Variants in CADPS2 observed in about 807,000 individuals in gnomAD.
The protein encoded by CADPS2 is calcium dependent secretion activator 2.
CADPS2 carries 93 observed loss-of-function variants against 172.5 expected under a neutral mutation model. The ratio of observed to expected loss-of-function variants is 0.54; its 90% CI spans 0.46 to 0.64. The LOEUF (loss-of-function observed/expected upper bound fraction) is 0.64, where lower values mean the gene tolerates loss of function less well. Among genes scored for constraint, CADPS2 ranks in the 30% least tolerant of loss-of-function variants. CADPS2 has a pLI of 0.00. For synonymous variants in CADPS2, 546 were observed against 555.2 expected, an observed-to-expected ratio of 0.98 and a Z score of 0.23; for missense variants, 1,420 against 1,565.9, an observed-to-expected ratio of 0.91 and a Z score of 1.57.
intron 2 of CADPS2, among the ~76,000 whole-genome samples, chr7:122,696,921 A>T (rs1318272388): frequency 6.6e-5 from 10 of 152,154 alleles, no homozygotes; most frequent in Admixed American, 2.6e-4. Context: ...GAATATAGTG[A>T]ACAAAAGAAA....
intron 17 of CADPS2, among the ~76,000 whole-genome samples, chr7:122,436,838 T>A (rs577934598): frequency 2.0e-5 from 3 of 152,116 alleles, no homozygotes; most frequent in Non-Finnish European, 4.4e-5. Context: ...TAAAATGGAT[T>A]CTATGGCTAT....
At chr7:122,325,050 G>A (rs780812862) in intron 29 of CADPS2, among the ~76,000 whole-genome samples, 7 of 151,946 alleles carry the variant, frequency 4.6e-5, no homozygotes, top group Non-Finnish European at 8.8e-5. Context: ...TATTACTTTC[G>A]TACCAGCATA....
intron 9 of CADPS2, among the ~76,000 whole-genome samples, chr7:122,510,540 G>A (rs1416559506): frequency 1.3e-5 from 2 of 152,202 alleles, no homozygotes; most frequent in African/African-American, 4.8e-5. Context: ...ATTTTTATGA[G>A]GACAAATTCT....
At chr7:122,711,218 A>T (rs2088658292) in intron 2 of CADPS2, among the ~76,000 whole-genome samples, 2 of 152,154 alleles carry the variant, frequency 1.3e-5, no homozygotes, top group East Asian at 3.8e-4. Flanking sequence ...TCTGTATCTG[A>T]AAAATGGACT....
Position 122,812,284 on chromosome 7 carries a change from T to A in CADPS2, c.339+73715A>T, listed in dbSNP as rs78865330. 2.0e-5 allele frequency among the ~76,000 whole-genome samples: 3 copies of A among 152,112 alleles called. No individual in the cohort carries two copies. In the East Asian group the frequency reaches 5.8e-4, roughly 29 times the overall value. On this transcript the variant is annotated intron_variant, in intron 1 of 29. Coordinates refer to ENST00000449022, the MANE Select transcript of CADPS2 (RefSeq NM_017954.11). ...TAGCACTTATTCTGGTTAGCTATAA[T>A]GTTGTAAAACTTTGAACAATGCTAA...
At chr7:122,835,569 C>T (rs879741354) in intron 1 of CADPS2, among the ~76,000 whole-genome samples, 1 of 152,156 alleles carries the variant, frequency 6.6e-6, no homozygotes, top group African/African-American at 2.4e-5. Context: ...CTAGAATACC[C>T]AGTGTAGAGA....
intron 1 of CADPS2, among the ~76,000 whole-genome samples, chr7:122,877,715 G>A (rs954947348): frequency 6.6e-6 from 1 of 152,218 alleles, no homozygotes; most frequent in African/African-American, 2.4e-5. Flanking sequence ...GATATCGTAT[G>A]CTCCTAGAAG....
At chr7:122,563,135 T>C (rs1375798270) in intron 7 of CADPS2, among the ~76,000 whole-genome samples, 2 of 152,180 alleles carry the variant, frequency 1.3e-5, no homozygotes, top group African/African-American at 4.8e-5. Context: ...TTATAAGGTA[T>C]TGATTTCATC....
chr7:122,737,522 G>A (rs1042022423), intron 1 of CADPS2, among the ~76,000 whole-genome samples: 42 of 152,134 alleles, frequency 2.8e-4, no homozygotes, highest in Admixed American at 2.4e-3. Context: ...CTAATGGTTA[G>A]ACTTTAAAAC....
intron 1 of CADPS2, among the ~76,000 whole-genome samples, chr7:122,865,441 C>G (rs1423959208): frequency 6.6e-6 from 1 of 152,294 alleles, no homozygotes; most frequent in South Asian, 2.1e-4. Flanking sequence ...CTGACTGTTC[C>G]ACAGCCAGCT....
chr7:122,693,757 A>T (rs1015137426), intron 2 of CADPS2, among the ~76,000 whole-genome samples: 1 of 152,182 alleles, frequency 6.6e-6, no homozygotes, highest in African/African-American at 2.4e-5. Flanking sequence ...GGAGTTCAAG[A>T]CCAGCCTGGG....
chr7:122,476,962 A>G (rs2056685154), intron 12 of CADPS2, among the ~76,000 whole-genome samples: 1 of 119,396 alleles, frequency 8.4e-6, no homozygotes, highest in Non-Finnish European at 1.8e-5. Context: ...TCCCTGAATG[A>G]AATGGGGTGG....
intron 3 of CADPS2, among the ~76,000 whole-genome samples, chr7:122,638,528 G>A (rs1289978875): frequency 6.6e-6 from 1 of 152,186 alleles, no homozygotes. Context: ...CACCATGACT[G>A]CAGCTTCTGT....
At chr7:122,458,624 T>A (rs996080504) in intron 14 of CADPS2, among the ~76,000 whole-genome samples, 16 of 152,302 alleles carry the variant, frequency 1.1e-4, no homozygotes, top group African/African-American at 3.6e-4. Context: ...TTTCCTTGGA[T>A]GTTTATTTTA....
chr7:122,660,735 C>A (rs1169383767), intron 3 of CADPS2, among the ~76,000 whole-genome samples: 1 of 151,920 alleles, frequency 6.6e-6, no homozygotes, highest in Non-Finnish European at 1.5e-5. Flanking sequence ...ATGGTGAAAC[C>A]CCATCTCTAC....
At chr7:122,765,983 T>C (rs1268881276) in intron 1 of CADPS2, among the ~76,000 whole-genome samples, 1 of 152,048 alleles carries the variant, frequency 6.6e-6, no homozygotes, top group Non-Finnish European at 1.5e-5. Context: ...GGGTAATACA[T>C]AAAGGAAAGT....
chr7:122,721,558 A>G (rs1013326920), intron 2 of CADPS2, among the ~76,000 whole-genome samples: 3 of 152,126 alleles, frequency 2.0e-5, no homozygotes, highest in Non-Finnish European at 2.9e-5. Context: ...TAGCCTACCA[A>G]CCAAAAAAAG....
chr7:122,694,420 G>A (rs1485331767), intron 2 of CADPS2, among the ~76,000 whole-genome samples: 3 of 152,208 alleles, frequency 2.0e-5, no homozygotes, highest in Non-Finnish European at 4.4e-5. Context: ...GACATGTGTA[G>A]AAGAGTTTTG....
intron 28 of CADPS2, among the ~76,000 whole-genome samples, chr7:122,337,261 G>T (rs1400980196): frequency 6.6e-6 from 1 of 152,156 alleles, no homozygotes; most frequent in Non-Finnish European, 1.5e-5. Flanking sequence ...GCCAGATGAG[G>T]TGCCTGTTTA....
Sources: allele counts gnomAD v4.1 joint callset (sites outside exome capture counted in the v4.1 genomes callset), GRCh38; gene constraint gnomAD v4.1.1; transcripts MANE v1.5; gene names NCBI Gene and HGNC (gene_info 2026-07-23, HGNC 2026-07-21).